Variants in SRSF5 observed in about 807,000 individuals in gnomAD.
SRSF5 encodes the protein serine and arginine rich splicing factor 5.
SRSF5 carries 5 observed loss-of-function variants against 34.0 expected under a neutral mutation model. The observed-to-expected ratio is 0.15, with a 90% CI of 0.08 to 0.31. The LOEUF (loss-of-function observed/expected upper bound fraction) is 0.31, where lower values mean the gene tolerates loss of function less well. SRSF5 is among the 10% of genes least tolerant of loss of function. The pLI is 1.00. For missense variants in SRSF5, 223 were observed against 351.4 expected (o/e 0.63, Z 2.92); for synonymous variants, 164 against 117.7 (o/e 1.39, Z -2.55).
At chr14:69,767,634 G>T (rs756659444) in intron 1 of SRSF5, 21 of 431,764 alleles carry the variant, frequency 4.9e-5, no homozygotes, top group South Asian at 3.3e-4. Context: ...AGGGAAGAGG[G>T]AATTTGGCAC....
Position 69,768,590 on chromosome 14 carries a change from T to A in SRSF5, c.127-14T>A, listed in dbSNP as rs758364052. 4 of 1,613,462 alleles carry A rather than the reference T, an allele frequency of 2.5e-6. No individual in the cohort carries two copies. The Admixed American group carries it at 6.7e-5, about 27-fold the overall frequency. ...TCTAAAGCCAATGTTAAGAGTCTTATGCTTACATTTTAGGAATTTGAGGAT... is the reference window on the plus strand; with the variant it reads ...TCTAAAGCCAATGTTAAGAGTCTTAAGCTTACATTTTAGGAATTTGAGGAT... On this transcript the variant is annotated splice_polypyrimidine_tract_variant and intron_variant, in intron 2 of 7. Transcript: ENST00000557154.
chr14:69,769,937 T>C, intron 5 of SRSF5: 1 of 1,082,272 alleles, frequency 9.2e-7, no homozygotes, highest in Non-Finnish European at 1.1e-6. Flanking sequence ...GATTGGGTAG[T>C]GTCCTTCAAG....
rs570319620 is a variant in SRSF5, at chr14:69,770,185, GT to G, written c.367-273del. The G allele has an allele frequency of 4.4e-4, 484 of 1,092,718 alleles. No individual in the cohort carries two copies. In the African/African-American group the frequency reaches 4.9e-3, roughly 11 times the overall value. 67.7% of individuals were successfully genotyped at this position (1,092,718 alleles called of 1,614,324 possible). On this transcript the variant is annotated intron_variant, in intron 5 of 7. Coordinates refer to ENST00000557154, the MANE Select transcript of SRSF5 (RefSeq NM_001320214.2). Reference sequence around the variant, plus strand: ...TTCCTTTTTTGTTGTTTTTTTGTTTGTTTTTTTTTCTTTTGTACTGAGCTCA... The same window carrying G: ...TTCCTTTTTTGTTGTTTTTTTGTTTGTTTTTTTTCTTTTGTACTGAGCTCA...
rs761901235 is a variant in SRSF5 at position 69,771,378 on chromosome 14, A to G, written c.736A>G (p.Ser246Gly). ...PEKSQKRGSS[S>G]RSKSPASVDR... Reference sequence around the variant, plus strand: ...GAAGAGCCAGAAACGTGGTTCTTCAAGTAGATCTAAGTCTCCAGCATCTGT... The same window carrying G: ...GAAGAGCCAGAAACGTGGTTCTTCAGGTAGATCTAAGTCTCCAGCATCTGT... The change falls in exon 8 of 8, where the codon AGT (serine) becomes GGT (glycine). Residue 246 changes from serine to glycine, a missense_variant. Ser to Gly is a moderately conservative substitution (Grantham distance 56, BLOSUM62 0). Transcript: ENST00000557154. The G allele has an allele frequency of 1.2e-5, 20 of 1,614,106 alleles. No homozygotes were observed. The highest frequency in any genetic ancestry group is 2.7e-5 in the African/African-American group (2 of 74,936).
intron 5 of SRSF5, 187 bp from the exon 6 acceptor site, chr14:69,770,280 C>G (rs1883043378): frequency 7.2e-7 from 1 of 1,382,764 alleles, no homozygotes; most frequent in Non-Finnish European, 9.3e-7. Flanking sequence ...AAGCAATATG[C>G]TATTTGCTTA....
At chr14:69,769,009 T>C (rs1882887763) in intron 4 of SRSF5, 113 bp downstream of exon 4, 1 of 1,305,696 alleles carries the variant, frequency 7.7e-7, no homozygotes, top group Admixed American at 1.9e-5. Context: ...TGTTCTTCTA[T>C]TCCCACGTTA....
At chr14:69,770,820 G>A in intron 6 of SRSF5, 175 bp from the exon 7 acceptor site, 2 of 686,794 alleles carry the variant, frequency 2.9e-6, no homozygotes, top group Admixed American at 3.0e-5. Context: ...CAATGAATTG[G>A]CTCAAAGTAT....
rs1364854447 is a variant in SRSF5 at position 69,771,636 on chromosome 14, TGAAAAC to T, written c.*176_*181del. The T allele has an allele frequency of 2.9e-6, 2 of 695,788 alleles. No homozygotes were observed. The highest frequency in any genetic ancestry group is 3.6e-5 in the African/African-American group (2 of 55,602). The allele number at this position is 695,788 out of a possible 1,614,324, so 43.1% of individuals were successfully genotyped here. A position where few individuals can be genotyped will look rare whatever the true frequency, so the allele number is the denominator to read the frequency against. On this transcript the variant is annotated 3_prime_UTR_variant, in exon 8 of 8. Coordinates refer to ENST00000557154, the MANE Select transcript of SRSF5 (RefSeq NM_001320214.2). ...TAGATGTGGACCACCAAGGGGTTGT[TGAAAAC>T]TAATTGTATTAAATGTCTTTTGATA...
At chr14:69,768,542 C>T in intron 2 of SRSF5, 62 bp from the exon 3 acceptor site, 5 of 1,502,362 alleles carry the variant, frequency 3.3e-6, no homozygotes, top group South Asian at 2.3e-5. Context: ...TTTCAGTGCT[C>T]TTAATGTGTT....
At chr14:69,770,777 A>G in intron 6 of SRSF5, 1 of 638,346 alleles carries the variant, frequency 1.6e-6, no homozygotes. Context: ...GCATCCTGCT[A>G]AGCATCCCAC....
intron 6 of SRSF5, 80 bp downstream of exon 6, chr14:69,770,620 T>G (rs1158754784): frequency 7.7e-7 from 1 of 1,300,640 alleles, no homozygotes; most frequent in Non-Finnish European, 1.1e-6. Context: ...ACTTAAAATT[T>G]GAATATGTTA....
At position 69,769,211 on chromosome 14, in the gene SRSF5, G is replaced by A; in HGVS notation, c.326G>A (p.Arg109His). 1.9e-6 allele frequency: 3 copies of A among 1,614,110 alleles called. No homozygotes were observed. The highest frequency in any genetic ancestry group is 2.5e-6 in the Non-Finnish European group (3 of 1,180,016). ...GCTCCACCTGTAAGAACAGAAAATC[G>A]TCTTATAGTTGAGAATTTATCCTCA... ...RNAPPVRTEN[R>H]LIVENLSSRV... The change falls in exon 5 of 8, where the codon CGT becomes CAT. Residue 109 changes from arginine to histidine, a missense_variant. By Grantham distance (29) the Arg-to-His change is conservative. Coordinates refer to ENST00000557154, the MANE Select transcript of SRSF5 (RefSeq NM_001320214.2).
rs561598382 is a variant in SRSF5, at chr14:69,770,917, G to C, written c.441-78G>C. The C allele has an allele frequency of 4.0e-6, 5 of 1,258,774 alleles. No individual in the cohort carries two copies. The African/African-American group carries it at 7.5e-5, about 19-fold the overall frequency. 78.0% of individuals were successfully genotyped at this position (1,258,774 alleles called of 1,614,324 possible). A position where few individuals can be genotyped will look rare whatever the true frequency, so the allele number is the denominator to read the frequency against. ...CAATAGCAAAAGTGAACATAGAAAC[G>C]ACTTACCTAGACTGCTGTGTGCAAT... On this transcript the variant is annotated intron_variant, in intron 6 of 7. Coordinates refer to ENST00000557154, the MANE Select transcript of SRSF5 (RefSeq NM_001320214.2).
chr14:69,769,967 C>T (rs1309196956), intron 5 of SRSF5: 1 of 1,051,702 alleles, frequency 9.5e-7, no homozygotes, highest in Non-Finnish European at 1.1e-6. Context: ...AAGAGCCAGT[C>T]GGGCATATGT....
intron 2 of SRSF5, 136 bp from the exon 3 acceptor site, chr14:69,768,468 C>G: frequency 4.2e-6 from 5 of 1,195,014 alleles, no homozygotes; most frequent in Admixed American, 2.0e-5. Context: ...CTCCCAGTGG[C>G]TCCTTGATTA....
At chr14:69,769,372 A>T in intron 5 of SRSF5, 121 bp downstream of exon 5, 1 of 1,501,958 alleles carries the variant, frequency 6.7e-7, no homozygotes, top group Non-Finnish European at 8.9e-7. Context: ...TGGAATTGTA[A>T]TTTTAAACAT....
At position 69,771,463 on chromosome 14, in the gene SRSF5, C is replaced by G. The variant is rs911474292; in HGVS notation, c.*2C>G. 1.9e-6 allele frequency: 3 copies of G among 1,609,646 alleles called. No individual in the cohort carries two copies. The highest frequency in any genetic ancestry group is 1.7e-4 in the Middle Eastern group (1 of 6,050). On this transcript the variant is annotated 3_prime_UTR_variant, in exon 8 of 8. Coordinates refer to ENST00000557154, the MANE Select transcript of SRSF5 (RefSeq NM_001320214.2). ...AGATCAGTTGACAGTGGCAATTAAACTGTAAATAACTTGCCCTGGGGGCCT... is the reference window on the plus strand; with the variant it reads ...AGATCAGTTGACAGTGGCAATTAAAGTGTAAATAACTTGCCCTGGGGGCCT...
intron 5 of SRSF5, chr14:69,770,094 G>C (rs1883018554): frequency 9.7e-7 from 1 of 1,029,306 alleles, no homozygotes; most frequent in Non-Finnish European, 1.2e-6. Flanking sequence ...CTGGTGTCTT[G>C]TAAATGTTCT....
At chr14:69,767,962 G>A (rs1011732392) in intron 1 of SRSF5, 176 bp from the exon 2 acceptor site, 17 of 627,666 alleles carry the variant, frequency 2.7e-5, no homozygotes, top group Non-Finnish European at 3.8e-5. Flanking sequence ...TGTTGGGAGG[G>A]AGCTGGGTTT....
Sources: gnomAD v4.1 joint callset for allele counts on GRCh38, gnomAD v4.1.1 for gene constraint, MANE v1.5 for transcripts, NCBI Gene and HGNC (gene_info 2026-07-23, HGNC 2026-07-21) for gene names.